KIZ: variants seen among roughly 807,000 people sequenced by gnomAD.
KIZ encodes the protein centrosomal protein kizuna.
In KIZ, 68 loss-of-function variants were observed where a neutral mutation model predicts 79.6. The observed-to-expected ratio is 0.85, with a 90% CI of 0.70 to 1.05. KIZ has a LOEUF of 1.05. Ranked by LOEUF, KIZ falls within the 50% of genes least tolerant of loss-of-function variation. KIZ has a pLI of 0.00. For synonymous variants in KIZ, 280 were observed against 281.8 expected, an observed-to-expected ratio of 0.99 and a Z score of 0.06; for missense variants, 797 against 800.4, an observed-to-expected ratio of 1.00 and a Z score of 0.05.
intron 11 of KIZ, among the ~76,000 whole-genome samples, chr20:21,237,018 A>G (rs2123476144): frequency 6.8e-6 from 1 of 147,300 alleles, no homozygotes; most frequent in South Asian, 2.2e-4. Context: ...AAAAAAAATG[A>G]TGGCTGGGTG....
At chr20:21,131,951 C>A in intron 1 of KIZ, 146 bp from the exon 2 acceptor site, 2 of 546,586 alleles carry the variant, frequency 3.7e-6, no homozygotes, top group Non-Finnish European at 6.6e-6. Flanking sequence ...GAAGCATTTT[C>A]ACAAAGGTGT....
intron 6 of KIZ, among the ~76,000 whole-genome samples, chr20:21,199,324 C>T (rs906772201): frequency 3.9e-5 from 6 of 152,074 alleles, no homozygotes; most frequent in Admixed American, 3.9e-4. Context: ...TCTTTATGAC[C>T]ACCACAAATT....
chr20:21,232,864 A>G, intron 11 of KIZ, 34 bp downstream of exon 11: 1 of 875,188 alleles, frequency 1.1e-6, no homozygotes, highest in Non-Finnish European at 1.9e-6. Flanking sequence ...AATAGCAGCA[A>G]CAAGATGAGA....
At chr20:21,238,366 T>TGTGTGA (rs776242830) in intron 11 of KIZ, among the ~76,000 whole-genome samples, 1,980 of 150,188 alleles carry the variant, frequency 0.013, 28 homozygotes, top group Non-Finnish European at 0.02. Flanking sequence ...TGTGTGTGTG[T>TGTGTGA]GAGAGGGTGT....
rs184057734 is a variant in KIZ at position 21,129,717 on chromosome 20, G to C, written c.90-2380G>C. 9.4e-3 allele frequency among the ~76,000 whole-genome samples: 1,422 copies of C among 151,388 alleles called. 12 individuals carry two copies. The highest frequency in any genetic ancestry group is 0.013 in the Non-Finnish European group (891 of 67,922). On this transcript the variant is annotated intron_variant, in intron 1 of 12. Transcript: ENST00000619189. ...ATTGTACTCCAGCTTGGGCAACAGA[G>C]TGAGACTCCATCTCAAAAAAAAAAA...
At position 21,147,994 on chromosome 20, in the gene KIZ, T is replaced by TGTGTGTGTGTGG. The variant is rs1305964631; in HGVS notation, c.405+2341_405+2342insTGTGTGTGTGGG. Among the ~76,000 whole-genome samples, 22 of 151,248 alleles carry TGTGTGTGTGTGG rather than the reference T, an allele frequency of 1.5e-4. No individual in the cohort carries two copies. The South Asian group carries it at 1.5e-3, about 10-fold the overall frequency. On this transcript the variant is annotated intron_variant, in intron 4 of 12. Transcript: ENST00000619189. ...GTGTGTGTGTGTGTGTGTGTGTGTG[T>TGTGTGTGTGTGG]GGCAGCAGATGAAGGAAGGACTTGT...
chr20:21,193,113 G>A (rs1338180097), intron 6 of KIZ, among the ~76,000 whole-genome samples: 1 of 152,104 alleles, frequency 6.6e-6, no homozygotes, highest in Non-Finnish European at 1.5e-5. Context: ...CTTCAGCCCA[G>A]CATTTCAAAA....
In KIZ at chr20:21,163,059, C is replaced by T. The variant is rs1187855513; in HGVS notation, c.1252C>T (p.Gln418Ter). The change falls in exon 6 of 13, where the codon CAA (glutamine) becomes TAA (stop). Residue 418 changes from glutamine to a stop codon, truncating the protein, a stop_gained. Transcript: ENST00000619189. LOFTEE classifies it high-confidence loss of function. Reference protein sequence around the residue: ...IEALKLIHAEQERVALSTEKN... With the variant: ...IEALKLIHAE ...GGCCTTAAAATTAATCCATGCTGAG[C>T]AAGAAAGAGTTGCCCTATCCACTGA... 4.3e-6 allele frequency: 7 copies of T among 1,613,350 alleles called. No individual in the cohort carries two copies. Among genetic ancestry groups the T allele is most frequent in the Non-Finnish European group, 5.9e-6 (7 of 1,179,436 alleles).
At chr20:21,198,365 A>G (rs115310251) in intron 6 of KIZ, 3,205 of 152,436 alleles carry the variant, frequency 0.021, 101 homozygotes, top group African/African-American at 0.068. Context: ...CCAGGCCGCA[A>G]TCCTCTTATT....
intron 7 of KIZ, among the ~76,000 whole-genome samples, chr20:21,212,635 C>A (rs763297517): frequency 2.0e-5 from 3 of 152,166 alleles, no homozygotes; most frequent in African/African-American, 4.8e-5. Flanking sequence ...ATTGAAGGAG[C>A]GTCTGTGTAC....
chr20:21,224,841 T>C (rs1007429276), intron 9 of KIZ, among the ~76,000 whole-genome samples: 1 of 152,222 alleles, frequency 6.6e-6, no homozygotes, highest in Non-Finnish European at 1.5e-5. Flanking sequence ...GGTGTACATT[T>C]GCATATAAAA....
At chr20:21,154,095 G>A (rs1366576688) in intron 4 of KIZ, 3 of 152,052 alleles carry the variant, frequency 2.0e-5, no homozygotes, top group Admixed American at 2.0e-4. Flanking sequence ...TGCTTACATA[G>A]AAATTAAAAA....
chr20:21,192,681 G>C (rs1197023561), intron 6 of KIZ, among the ~76,000 whole-genome samples: 2 of 152,130 alleles, frequency 1.3e-5, no homozygotes, highest in Non-Finnish European at 2.9e-5. Context: ...CACAGCACAG[G>C]GAAATTGCAG....
intron 9 of KIZ, among the ~76,000 whole-genome samples, chr20:21,224,702 T>A (rs1220613250): frequency 6.6e-6 from 1 of 152,208 alleles, no homozygotes; most frequent in Non-Finnish European, 1.5e-5. Context: ...ATGGGCAGAT[T>A]CCCTGCCTCC....
intron 4 of KIZ, among the ~76,000 whole-genome samples, chr20:21,159,745 A>C (rs2033567278): frequency 6.6e-6 from 1 of 152,212 alleles, no homozygotes; most frequent in South Asian, 2.1e-4. Context: ...AATGTATTAC[A>C]TTTTATCTAG....
At chr20:21,147,701 A>G (rs140743265) in intron 4 of KIZ, among the ~76,000 whole-genome samples, 9 of 152,324 alleles carry the variant, frequency 5.9e-5, no homozygotes, top group East Asian at 3.9e-4. Flanking sequence ...TCAGAAAGCA[A>G]TGTTCTTTCT....
chr20:21,210,262 C>A (rs146593264), intron 7 of KIZ, among the ~76,000 whole-genome samples: 6,939 of 152,074 alleles, frequency 0.046, 211 homozygotes, highest in South Asian at 0.075. Flanking sequence ...GAGCTTCGAT[C>A]GCGCCACTGC....
chr20:21,151,497 G>A (rs2122566658), intron 4 of KIZ: 1 of 152,156 alleles, frequency 6.6e-6, no homozygotes, highest in Admixed American at 6.5e-5. Flanking sequence ...GAAAAAAAGT[G>A]GATGAGAAGG....
Position 21,214,516 on chromosome 20 carries a change from T to C in KIZ, c.1447-19T>C. 1 of 1,568,228 alleles carries C rather than the reference T, an allele frequency of 6.4e-7. No homozygotes were observed. Among genetic ancestry groups the C allele is most frequent in the Non-Finnish European group, 8.7e-7 (1 of 1,148,942 alleles). On this transcript the variant is annotated intron_variant, in intron 7 of 12. Transcript: ENST00000619189. ...ACAGTTTGTTTTTATTTCTTTGTGC[T>C]TTTTTTGAAACACTGTAGGCAACAG...
Sources: gnomAD v4.1 joint callset for allele counts (sites outside exome capture counted in the v4.1 genomes callset) on GRCh38, gnomAD v4.1.1 for gene constraint, MANE v1.5 for transcripts, NCBI Gene and HGNC (gene_info 2026-07-23, HGNC 2026-07-21) for gene names.